The following CCDC93 variants were observed in gnomAD, a reference collection of about 807,000 sequenced individuals.
CCDC93 encodes the protein CCC complex scaffolding subunit CCDC93, also known as coiled-coil domain-containing protein 93.
A neutral mutation model predicts 108.2 loss-of-function variants in CCDC93; 61 were observed. The observed-to-expected ratio is 0.56, with a 90% CI of 0.46 to 0.70. The LOEUF (loss-of-function observed/expected upper bound fraction) is 0.70, where lower values mean the gene tolerates loss of function less well. Ranked by LOEUF, CCDC93 falls within the 30% of genes least tolerant of loss-of-function variation. CCDC93 has a pLI of 0.00. For synonymous variants in CCDC93, 276 were observed against 260.4 expected (o/e 1.06, Z -0.58); for missense variants, 685 against 764.2 (o/e 0.90, Z 1.22).
rs1677702926 is a variant in CCDC93 at position 117,916,891 on chromosome 2, C to T, written c.*3452G>A. On this transcript the variant is annotated 3_prime_UTR_variant, in exon 24 of 24. Transcript: ENST00000376300. ...TGGGGGATTCTGAAGATGCACAGAA[C>T]AAGGCACTTTCCTTGGCAATCCCAA... 6.6e-6 allele frequency: 1 copy of T among 152,242 alleles called. No individual in the cohort carries two copies. Among genetic ancestry groups the T allele is most frequent in the African/African-American group, 2.4e-5 (1 of 41,456 alleles). 9.4% of individuals were successfully genotyped at this position (152,242 alleles called of 1,614,324 possible). A position where few individuals can be genotyped will look rare whatever the true frequency, so the allele number is the denominator to read the frequency against.
intron 6 of CCDC93, among the ~76,000 whole-genome samples, chr2:117,995,081 CCATCAAGG>C (rs1680603164): frequency 6.6e-6 from 1 of 151,700 alleles, no homozygotes; most frequent in African/African-American, 2.4e-5. Context: ...CTATGCAAAG[CCATCAAGG>C]GGGTGGGGGA....
chr2:117,947,975 T>A, intron 15 of CCDC93, 130 bp downstream of exon 15: 2 of 722,196 alleles, frequency 2.8e-6, no homozygotes, highest in Non-Finnish European at 2.4e-6. Context: ...ATTACAGGCA[T>A]GAGCCACTGC....
chr2:117,936,514 G>C (rs1573469466), intron 21 of CCDC93, 188 bp downstream of exon 21: 4 of 592,332 alleles, frequency 6.8e-6, no homozygotes, highest in Admixed American at 2.8e-5. Context: ...TATCATTATA[G>C]TTTTGCAGGT....
intron 3 of CCDC93, among the ~76,000 whole-genome samples, chr2:118,005,177 T>A (rs1422287188): frequency 1.3e-5 from 2 of 152,160 alleles, no homozygotes; most frequent in East Asian, 1.9e-4. Context: ...TGTGTTCCCA[T>A]ATCTATTAAA....
chr2:117,943,225 T>C (rs1020653628), intron 18 of CCDC93, among the ~76,000 whole-genome samples: 3 of 152,216 alleles, frequency 2.0e-5, no homozygotes, highest in Non-Finnish European at 4.4e-5. Context: ...AGACATGTCT[T>C]GGTTCTCAAA....
At chr2:117,930,828 A>G in intron 23 of CCDC93, 1 of 470,978 alleles carries the variant, frequency 2.1e-6, no homozygotes, top group Non-Finnish European at 3.8e-6. Context: ...GATGTCTTAA[A>G]ACATTTAATT....
At chr2:117,921,513 G>A (rs1677869882) in intron 23 of CCDC93, 2 of 152,200 alleles carry the variant, frequency 1.3e-5, no homozygotes, top group Non-Finnish European at 2.9e-5. Flanking sequence ...AGTGGTAGCA[G>A]AAAGGGCCCG....
intron 11 of CCDC93, among the ~76,000 whole-genome samples, chr2:117,968,697 A>C (rs1277192206): frequency 1.3e-5 from 2 of 152,296 alleles, no homozygotes; most frequent in East Asian, 3.9e-4. Context: ...GAAGTTTCCA[A>C]ACACTCACAT....
Position 117,990,745 on chromosome 2 carries a change from C to T in CCDC93, c.520-4676G>A, listed in dbSNP as rs535373603. ...TATCTTTATTGGCATGGAAAGATAT[C>T]CTCAATATACTACTGAGCAAAATGA... On this transcript the variant is annotated intron_variant, in intron 6 of 23. Coordinates refer to ENST00000376300, the MANE Select transcript of CCDC93 (RefSeq NM_019044.5). Among the ~76,000 whole-genome samples the T allele has an allele frequency of 4.6e-5, 7 of 151,814 alleles. No individual in the cohort carries two copies. In the South Asian group the frequency reaches 1.2e-3, roughly 27 times the overall value.
intron 1 of CCDC93, among the ~76,000 whole-genome samples, chr2:118,013,252 T>C (rs1279339053): frequency 1.3e-5 from 2 of 152,222 alleles, no homozygotes; most frequent in Non-Finnish European, 2.9e-5. Context: ...CAAACACCTT[T>C]GGAAAAGAAC....
intron 6 of CCDC93, among the ~76,000 whole-genome samples, chr2:117,988,565 C>T (rs960183346): frequency 3.3e-4 from 50 of 152,314 alleles, no homozygotes; most frequent in African/African-American, 1.1e-3. Flanking sequence ...AAACCCAACT[C>T]CAACAGATCC....
Position 117,977,790 on chromosome 2 carries a change from C to G in CCDC93, c.657+204G>C, listed in dbSNP as rs77258774. Among the ~76,000 whole-genome samples, 100 of 152,280 alleles carry G rather than the reference C, an allele frequency of 6.6e-4. 1 individual carries two copies. The East Asian group carries it at 0.018, about 27-fold the overall frequency. ...TTTCAATCACCCCTCATTTCCAGCC[C>G]CAGGAGGAGACTGCTGCTTTGCTCC... is the stretch of plus-strand genomic sequence containing the variant. On this transcript the variant is annotated intron_variant, in intron 8 of 23. Transcript: ENST00000376300.
At chr2:117,984,738 G>A (rs533584379) in intron 7 of CCDC93, among the ~76,000 whole-genome samples, 5 of 152,260 alleles carry the variant, frequency 3.3e-5, no homozygotes, top group African/African-American at 1.2e-4. Flanking sequence ...GACACCCACA[G>A]AGATTGTCTC....
rs1680615982 is a variant in CCDC93 at position 117,995,472 on chromosome 2, CCTTTT to C, written c.488_492del (p.Glu163GlyfsTer29). ...GAGAGGTCCACAACTGTCTTGATGG[CCTTTT>C]CTTTTCTCTTTATGAAGTCATCATC... On this transcript the variant is annotated frameshift_variant, in exon 6 of 24. Coordinates refer to ENST00000376300, the MANE Select transcript of CCDC93 (RefSeq NM_019044.5). LOFTEE classifies it high-confidence loss of function. The C allele has an allele frequency of 3.7e-6, 6 of 1,613,588 alleles. No individual in the cohort carries two copies. Among genetic ancestry groups the C allele is most frequent in the South Asian group, 1.1e-5 (1 of 91,068 alleles).
intron 23 of CCDC93, among the ~76,000 whole-genome samples, chr2:117,922,948 AAG>A (rs1306425412): frequency 6.6e-6 from 1 of 152,136 alleles, no homozygotes; most frequent in African/African-American, 2.4e-5. Flanking sequence ...TTGTGGGAGA[AAG>A]ATGCTGGAAC....
chr2:118,012,035 A>G (rs1677033037), intron 1 of CCDC93, among the ~76,000 whole-genome samples: 1 of 152,232 alleles, frequency 6.6e-6, no homozygotes, highest in Admixed American at 6.5e-5. Context: ...ACAAAGCCCA[A>G]TAAACTTTCA....
intron 23 of CCDC93, among the ~76,000 whole-genome samples, chr2:117,929,284 A>G (rs976985346): frequency 5.3e-5 from 8 of 152,198 alleles, no homozygotes; most frequent in Non-Finnish European, 1.2e-4. Context: ...ATGCAAAAAC[A>G]TATTTCATCC....
At chr2:117,975,432 C>T in intron 8 of CCDC93, 152 bp from the exon 9 acceptor site, 1 of 621,548 alleles carries the variant, frequency 1.6e-6, no homozygotes, top group Non-Finnish European at 2.9e-6. Context: ...ACGGCTGAAC[C>T]TCCACTAGAG....
chr2:117,996,915 C>T (rs80189983), intron 4 of CCDC93: 11,601 of 152,858 alleles, frequency 0.076, 556 homozygotes, highest in Admixed American at 0.11. Context: ...ATACTGAGTA[C>T]GCAGTTGAAG....
Sources: gnomAD v4.1 joint callset for allele counts (sites outside exome capture counted in the v4.1 genomes callset) on GRCh38, gnomAD v4.1.1 for gene constraint, MANE v1.5 for transcripts, NCBI Gene and HGNC (gene_info 2026-07-23, HGNC 2026-07-21) for gene names.